The following C13orf42 variants were observed in gnomAD, a reference collection of about 807,000 sequenced individuals.
The protein encoded by C13orf42 is chromosome 13 open reading frame 42.
At chr13:51,122,551 A>G (rs1953544904) in intron 1 of C13orf42, among the ~76,000 whole-genome samples, 1 of 151,676 alleles carries the variant, frequency 6.6e-6, no homozygotes. Flanking sequence ...AAAAAAAAAA[A>G]AGAAAGAAAA....
At chr13:51,086,112 C>T (rs1953121509) in intron 2 of C13orf42, among the ~76,000 whole-genome samples, 1 of 151,978 alleles carries the variant, frequency 6.6e-6, no homozygotes, top group Admixed American at 6.5e-5. Flanking sequence ...TGAGACCATC[C>T]TGGCTAACAC....
chr13:51,127,040 G>A (rs1010355363), intron 1 of C13orf42, among the ~76,000 whole-genome samples: 8 of 152,086 alleles, frequency 5.3e-5, no homozygotes, highest in African/African-American at 1.7e-4. Context: ...GGTGGCAGGC[G>A]CCTATAGTCC....
At position 51,084,327 on chromosome 13, in the gene C13orf42, T is replaced by TAG; in HGVS notation, c.804-4_804-3dup. On this transcript the variant is annotated splice_polypyrimidine_tract_variant and splice_region_variant and intron_variant, in intron 3 of 3. Coordinates refer to ENST00000563710, the MANE Select transcript of C13orf42 (RefSeq NM_001351589.3). ...AGGATCTGTCTGGAGCTCCCCAGGC[T>TAG]AGAAGGAAGGAATGAGGCAGGAGGT... The TAG allele has an allele frequency of 2.5e-6, 1 of 398,774 alleles. No individual in the cohort carries two copies. The highest frequency in any genetic ancestry group is 4.4e-6 in the Non-Finnish European group (1 of 226,182). The allele number at this position is 398,774 out of a possible 1,614,324, so 24.7% of individuals were successfully genotyped here. A position where few individuals can be genotyped will look rare whatever the true frequency, so the allele number is the denominator to read the frequency against.
At chr13:51,111,992 G>T (rs1311964918), upstream of C13orf42, among the ~76,000 whole-genome samples, 1 of 152,242 alleles carries the variant, frequency 6.6e-6, no homozygotes, top group Non-Finnish European at 1.5e-5. Flanking sequence ...GTGAGCTGAA[G>T]GGTGGCCACA....
chr13:51,121,663 G>A (rs1216997827), intron 1 of C13orf42, among the ~76,000 whole-genome samples: 1 of 151,768 alleles, frequency 6.6e-6, no homozygotes, highest in African/African-American at 2.4e-5. Flanking sequence ...AGGCTCCCGA[G>A]TAGCTGGGAT....
At chr13:51,156,579 C>T (rs1040007746) in intron 1 of C13orf42, among the ~76,000 whole-genome samples, 1 of 152,200 alleles carries the variant, frequency 6.6e-6, no homozygotes, top group Non-Finnish European at 1.5e-5. Flanking sequence ...AATCTTGCTT[C>T]ACCCCTTACT....
At chr13:51,118,537 A>G (rs889690149) in intron 1 of C13orf42, among the ~76,000 whole-genome samples, 2 of 152,214 alleles carry the variant, frequency 1.3e-5, no homozygotes, top group Admixed American at 1.3e-4. Flanking sequence ...GTCAGTCAAC[A>G]CTGGGGCAGA....
At chr13:51,121,048 G>T (rs944588260) in intron 1 of C13orf42, among the ~76,000 whole-genome samples, 2 of 152,152 alleles carry the variant, frequency 1.3e-5, no homozygotes, top group Admixed American at 1.3e-4. Flanking sequence ...AATAAACCCT[G>T]ACCTCTTCTG....
At chr13:51,105,125 G>A (rs1953338397) in intron 1 of C13orf42, among the ~76,000 whole-genome samples, 1 of 152,218 alleles carries the variant, frequency 6.6e-6, no homozygotes, top group Non-Finnish European at 1.5e-5. Context: ...CCATTGGGAA[G>A]GGTGTGTGAT....
At chr13:51,099,545 G>A (rs1196428574) in intron 1 of C13orf42, among the ~76,000 whole-genome samples, 1 of 152,164 alleles carries the variant, frequency 6.6e-6, no homozygotes, top group Non-Finnish European at 1.5e-5. Context: ...TGGGAGAACA[G>A]CTGCATATCT....
rs1229165088 is a variant in C13orf42 at position 51,085,503 on chromosome 13, G to A, written c.619C>T (p.Arg207Cys). The A allele has an allele frequency of 2.0e-5, 8 of 398,542 alleles. No homozygotes were observed. Among genetic ancestry groups the A allele is most frequent in the East Asian group, 3.6e-5 (1 of 28,080 alleles). The allele number at this position is 398,542 out of a possible 1,614,324, so 24.7% of individuals were successfully genotyped here. The change falls in exon 3 of 4, where the codon CGC becomes TGC. Residue 207 changes from arginine to cysteine, a missense_variant. Coordinates refer to ENST00000563710, the MANE Select transcript of C13orf42 (RefSeq NM_001351589.3). ...GCAGCGATATCCTCGGAGTGTCTGC[G>A]CGGTGCCCGCAGGATCCAGTTAGAA... ...LHSNWILRAP[R>C]RHSEDIAAHT...
chr13:51,143,397 T>TA (rs1313789274), intron 1 of C13orf42, among the ~76,000 whole-genome samples: 2 of 152,170 alleles, frequency 1.3e-5, no homozygotes, highest in African/African-American at 4.8e-5. Context: ...GCAAAACCAG[T>TA]ATATGGAGCC....
chr13:51,137,528 C>T (rs1953666465), intron 1 of C13orf42, among the ~76,000 whole-genome samples: 1 of 152,176 alleles, frequency 6.6e-6, no homozygotes, highest in Non-Finnish European at 1.5e-5. Context: ...GCTCCAGACC[C>T]AGCACCACTC....
At chr13:51,101,542 C>T (rs556073189) in intron 1 of C13orf42, among the ~76,000 whole-genome samples, 1 of 152,284 alleles carries the variant, frequency 6.6e-6, no homozygotes, top group African/African-American at 2.4e-5. Context: ...CAAAACCACA[C>T]ACCTATGACT....
At chr13:51,152,261 T>A (rs1953784194) in intron 1 of C13orf42, among the ~76,000 whole-genome samples, 1 of 152,244 alleles carries the variant, frequency 6.6e-6, no homozygotes, top group Admixed American at 6.5e-5. Context: ...AGACATCACA[T>A]ACACCATCAG....
intron 1 of C13orf42, among the ~76,000 whole-genome samples, chr13:51,102,412 C>T (rs970685403): frequency 6.6e-6 from 1 of 152,200 alleles, no homozygotes; most frequent in African/African-American, 2.4e-5. Flanking sequence ...TTGATATGGT[C>T]TCATTTTATG....
intron 1 of C13orf42, among the ~76,000 whole-genome samples, chr13:51,140,070 C>T (rs1320986428): frequency 6.6e-6 from 1 of 152,182 alleles, no homozygotes; most frequent in African/African-American, 2.4e-5. Flanking sequence ...AAACTTGCCT[C>T]CCATTCTATT....
chr13:51,160,022 A>G (rs1284183857), intron 1 of C13orf42, among the ~76,000 whole-genome samples: 1 of 152,014 alleles, frequency 6.6e-6, no homozygotes, highest in Non-Finnish European at 1.5e-5. Context: ...AGACTTACTC[A>G]CTATCTCGAG....
At chr13:51,159,143 C>G (rs1371633976) in intron 1 of C13orf42, among the ~76,000 whole-genome samples, 1 of 152,162 alleles carries the variant, frequency 6.6e-6, no homozygotes, top group Non-Finnish European at 1.5e-5. Flanking sequence ...CCCACCACCC[C>G]CACCAATCAT....
Sources: gnomAD v4.1 joint callset for allele counts (sites outside exome capture counted in the v4.1 genomes callset) on GRCh38, gnomAD v4.1.1 for gene constraint, MANE v1.5 for transcripts, NCBI Gene and HGNC (gene_info 2026-07-23, HGNC 2026-07-21) for gene names.